The following SLC19A1 variants were observed in gnomAD, a reference collection of about 807,000 sequenced individuals.
The protein encoded by SLC19A1 is reduced folate transporter.
A neutral mutation model predicts 35.3 loss-of-function variants in SLC19A1; 37 were observed. That is an observed-to-expected ratio of 1.05 (90% confidence interval 0.81 to 1.38). The LOEUF (loss-of-function observed/expected upper bound fraction) is 1.38, where lower values mean the gene tolerates loss of function less well. Ranked by LOEUF, SLC19A1 falls within the 40% of genes most tolerant of loss-of-function variation. The probability of loss-of-function intolerance (pLI) is 0.00; values close to 1 mark genes in which losing one functional copy is unlikely to be tolerated. For synonymous variants in SLC19A1, 460 were observed against 398.5 expected (o/e 1.15, Z -1.84); for missense variants, 831 against 826.9 (o/e 1.00, Z -0.06).
At chr21:45,545,552 C>T (rs1403283058), upstream of SLC19A1, among the ~76,000 whole-genome samples, 1 of 152,140 alleles carries the variant, frequency 6.6e-6, no homozygotes, top group Non-Finnish European at 1.5e-5. Flanking sequence ...TACCCAGTCT[C>T]TGTGTTCCTT....
chr21:45,509,422 C>T (rs377620137), downstream of SLC19A1: 399 of 1,537,396 alleles, frequency 2.6e-4, no homozygotes, highest in African/African-American at 4.6e-3. Flanking sequence ...CTACCCGCGG[C>T]GGGAGCACCC....
intron 5 of SLC19A1, among the ~76,000 whole-genome samples, chr21:45,520,221 T>A (rs897455645): frequency 4.6e-5 from 7 of 151,900 alleles, no homozygotes; most frequent in African/African-American, 1.7e-4. Flanking sequence ...GATGCATAAA[T>A]TAGAAAAGAG....
Position 45,540,042 on chromosome 21 carries a change from G to A in SLC19A1, c.-49-2034C>T, listed in dbSNP as rs1474689173. Among the ~76,000 whole-genome samples the A allele has an allele frequency of 6.6e-5, 10 of 152,112 alleles. No homozygotes were observed. Among genetic ancestry groups the A allele is most frequent in the Admixed American group, 1.3e-4 (2 of 15,284 alleles). On this transcript the variant is annotated intron_variant, in intron 1 of 5. Transcript: ENST00000311124. This position sits in a 1 kb window ranked among gnomAD's most constrained non-coding sequence, Gnocchi z 5.5. Reference sequence around the variant, plus strand: ...CCAGGCCGAGGCAGATCTGACGGTCGCCTGCCTCGGCCTCACCTTCCATGC... The same window carrying A: ...CCAGGCCGAGGCAGATCTGACGGTCACCTGCCTCGGCCTCACCTTCCATGC...
chr21:45,542,380 G>C lies in SLC19A1; in HGVS notation c.-62C>G, dbSNP rs927888978. The C allele has an allele frequency of 6.6e-6, 1 of 151,376 alleles. No individual in the cohort carries two copies. The highest frequency in any genetic ancestry group is 2.4e-5 in the African/African-American group (1 of 41,278). The allele number at this position is 151,376 out of a possible 1,614,324, so 9.4% of individuals were successfully genotyped here. A position where few individuals can be genotyped will look rare whatever the true frequency, so the allele number is the denominator to read the frequency against. On this transcript the variant is annotated 5_prime_UTR_variant, in exon 1 of 6. Coordinates refer to ENST00000311124, the MANE Select transcript of SLC19A1 (RefSeq NM_194255.4). Reference sequence around the variant, plus strand: ...TCCCCACCGGTACCTGCGACTCGGCGGGGCGGCTGCCCTGGGGCTCCCGGA... The same window carrying C: ...TCCCCACCGGTACCTGCGACTCGGCCGGGCGGCTGCCCTGGGGCTCCCGGA...
In SLC19A1 at chr21:45,507,516, C is replaced by T. The variant is rs762852441; in HGVS notation, c.498-8904G>A. On this transcript the variant is annotated intron_variant, in intron 3 of 4. Transcript: ENST00000417954. ...GCTGGGCAGGGAGGGCACCCTGGCT[C>T]AGGCCCAGCCGCAGGTCCTGGGTGA... 6 of 1,600,006 alleles carry T rather than the reference C, an allele frequency of 3.7e-6. No individual in the cohort carries two copies. The African/African-American group carries it at 5.4e-5, about 14-fold the overall frequency.
At chr21:45,531,004 C>T in intron 3 of SLC19A1, 33 bp from the exon 4 acceptor site, 14 of 1,294,120 alleles carry the variant, frequency 1.1e-5, no homozygotes, top group Non-Finnish European at 1.3e-5. Flanking sequence ...TTGCAGCGGC[C>T]CTGGGGGGCC....
intron 5 of SLC19A1, 91 bp downstream of exon 5, chr21:45,525,726 G>A: frequency 6.9e-7 from 1 of 1,451,152 alleles, no homozygotes; most frequent in Non-Finnish European, 9.4e-7. Flanking sequence ...AGCCCACAGT[G>A]GGCTCCACAT....
chr21:45,556,083 G>A (rs1435257767), intron 1 of SLC19A1, among the ~76,000 whole-genome samples: 2 of 152,198 alleles, frequency 1.3e-5, no homozygotes, highest in African/African-American at 4.8e-5. Context: ...GGCACACAGA[G>A]GTGGAAAGAG....
Position 45,530,759 on chromosome 21 carries a change from C to T in SLC19A1, c.1151+11G>A. The T allele has an allele frequency of 1.9e-6, 3 of 1,551,384 alleles. No homozygotes were observed. Among genetic ancestry groups the T allele is most frequent in the Non-Finnish European group, 1.7e-6 (2 of 1,147,410 alleles). On this transcript the variant is annotated intron_variant, in intron 4 of 5. Coordinates refer to ENST00000311124, the MANE Select transcript of SLC19A1 (RefSeq NM_194255.4). This position sits in a 1 kb window ranked among gnomAD's most constrained non-coding sequence, Gnocchi z 5.3. The stretch of plus-strand genomic sequence containing the variant: ...TGCCCGCCCCCGGCTTCCCACCCTT[C>T]TGGAACTCACGTGGCGATGGGCACG...
chr21:45,546,025 C>T (rs539141064), upstream of SLC19A1, among the ~76,000 whole-genome samples: 182 of 152,368 alleles, frequency 1.2e-3, no homozygotes, highest in Admixed American at 2.3e-3. Context: ...ACACTCCCAG[C>T]GGCCAGGGGT....
At chr21:45,508,459 G>GTGGC (rs558362030), downstream of SLC19A1, among the ~76,000 whole-genome samples, 68 of 150,118 alleles carry the variant, frequency 4.5e-4, no homozygotes, top group African/African-American at 8.8e-4. Flanking sequence ...GAGTGGATGG[G>GTGGC]TGGATGGACA....
chr21:45,504,994 A>T (rs2037104889), intron 3 of SLC19A1: 2 of 1,063,438 alleles, frequency 1.9e-6, no homozygotes, highest in Non-Finnish European at 1.4e-6. Flanking sequence ...TTCTCAGGCT[A>T]TGGCGTGGGC....
chr21:45,509,521 C>A, downstream of SLC19A1: 1 of 1,534,272 alleles, frequency 6.5e-7, no homozygotes, highest in Non-Finnish European at 8.8e-7. Context: ...CGGAGCCCCG[C>A]ACCACAGCTC....
intron 3 of SLC19A1, chr21:45,504,599 C>T (rs1013103699): frequency 1.3e-6 from 2 of 1,539,924 alleles, no homozygotes; most frequent in Non-Finnish European, 8.8e-7. Context: ...TCCCAGGGGT[C>T]TGGGTGCAGG....
chr21:45,516,669 T>G (rs3788189), intron 5 of SLC19A1, among the ~76,000 whole-genome samples: 75,403 of 152,058 alleles, frequency 0.5, 19,336 homozygotes, highest in African/African-American at 0.63. Flanking sequence ...AGCACCAGCG[T>G]TGGCCACATC....
chr21:45,516,328 A>G, intron 5 of SLC19A1, among the ~76,000 whole-genome samples, 188 bp from the exon 6 acceptor site: 1 of 151,866 alleles, frequency 6.6e-6, no homozygotes, highest in East Asian at 1.9e-4. Context: ...CCCGACCTCC[A>G]CCACCTGGCA....
At chr21:45,555,024 C>T (rs927054314) in intron 1 of SLC19A1, among the ~76,000 whole-genome samples, 9 of 150,592 alleles carry the variant, frequency 6.0e-5, no homozygotes, top group Non-Finnish European at 1.2e-4. Context: ...GTGGGGCCGC[C>T]CTGTGCGCGC....
chr21:45,519,093 G>A (rs564490361), intron 5 of SLC19A1, among the ~76,000 whole-genome samples: 15 of 135,250 alleles, frequency 1.1e-4, no homozygotes, highest in South Asian at 4.8e-4. Flanking sequence ...TACTGTAAGC[G>A]GGAGATGACA....
chr21:45,521,818 A>G (rs542636748), intron 5 of SLC19A1, among the ~76,000 whole-genome samples: 2 of 152,362 alleles, frequency 1.3e-5, no homozygotes, highest in Admixed American at 6.5e-5. Flanking sequence ...AGGCCAAAAA[A>G]AAAGTGACCT....
Sources: gnomAD v4.1 joint callset for allele counts (sites outside exome capture counted in the v4.1 genomes callset) on GRCh38, gnomAD v4.1.1 for gene constraint, Gnocchi (gnomAD v3.1) non-coding constraint, MANE v1.5 for transcripts, NCBI Gene and HGNC (gene_info 2026-07-23, HGNC 2026-07-21) for gene names.